Variants in RFX7 observed in about 807,000 individuals in gnomAD.
The protein encoded by RFX7 is regulatory factor X7.
Under a neutral mutation model 111.8 loss-of-function variants are expected in RFX7, and 26 were observed. The observed-to-expected ratio is 0.23, with a 90% CI of 0.17 to 0.32. The LOEUF is 0.32. Among genes scored for constraint, RFX7 ranks in the 10% least tolerant of loss-of-function variants. The pLI is 1.00. For synonymous variants in RFX7, 624 were observed against 624.4 expected, an observed-to-expected ratio of 1.00 and a Z score of 0.01; for missense variants, 1,573 against 1,772.9, an observed-to-expected ratio of 0.89 and a Z score of 2.02.
chr15:56,240,512 GAGTA>G (rs1214905948), intron 2 of RFX7, among the ~76,000 whole-genome samples: 2 of 151,988 alleles, frequency 1.3e-5, no homozygotes, highest in Non-Finnish European at 2.9e-5. Flanking sequence ...TTAATAAACA[GAGTA>G]AATTATGAAC....
At chr15:56,224,613 AG>A (rs2043462274) in intron 2 of RFX7, among the ~76,000 whole-genome samples, 1 of 152,110 alleles carries the variant, frequency 6.6e-6, no homozygotes, top group African/African-American at 2.4e-5. Flanking sequence ...ATGACTACAT[AG>A]CCATTCACAT....
At chr15:56,227,835 G>A (rs1320102443) in intron 2 of RFX7, among the ~76,000 whole-genome samples, 1 of 151,968 alleles carries the variant, frequency 6.6e-6, no homozygotes, top group Non-Finnish European at 1.5e-5. Flanking sequence ...CTGAATTGCT[G>A]ACCTTTATCA....
chr15:56,221,709 T>C (rs867959055), intron 2 of RFX7, among the ~76,000 whole-genome samples: 10 of 152,120 alleles, frequency 6.6e-5, no homozygotes, highest in South Asian at 4.1e-4. Context: ...ACTTTGACAA[T>C]TGCTCTAGGG....
chr15:56,217,618 T>G (rs2043376227), intron 2 of RFX7, among the ~76,000 whole-genome samples: 1 of 152,200 alleles, frequency 6.6e-6, no homozygotes, highest in Non-Finnish European at 1.5e-5. Context: ...TGGGCATCTT[T>G]TCCACTAAAT....
intron 2 of RFX7, among the ~76,000 whole-genome samples, chr15:56,212,756 A>G (rs1266197312): frequency 6.6e-6 from 1 of 152,240 alleles, no homozygotes; most frequent in African/African-American, 2.4e-5. Flanking sequence ...CAACAAAGAA[A>G]TATGTTAAAA....
chr15:56,200,429 G>T (rs1260835933), intron 2 of RFX7, among the ~76,000 whole-genome samples: 1 of 152,098 alleles, frequency 6.6e-6, no homozygotes, highest in African/African-American at 2.4e-5. Context: ...AACATCACTG[G>T]ATTGCACAGT....
At chr15:56,203,768 A>G (rs2043220384) in intron 2 of RFX7, among the ~76,000 whole-genome samples, 1 of 152,214 alleles carries the variant, frequency 6.6e-6, no homozygotes, top group Non-Finnish European at 1.5e-5. Flanking sequence ...AAGTTACCCT[A>G]TATGGTCTAA....
intron 5 of RFX7, among the ~76,000 whole-genome samples, chr15:56,138,626 A>G (rs2042342170): frequency 6.6e-6 from 1 of 151,916 alleles, no homozygotes; most frequent in African/African-American, 2.4e-5. Flanking sequence ...TTTAAAGTTA[A>G]TATTGTTATG....
At chr15:56,226,979 T>C (rs965735096) in intron 2 of RFX7, among the ~76,000 whole-genome samples, 7 of 152,168 alleles carry the variant, frequency 4.6e-5, no homozygotes, top group African/African-American at 1.7e-4. Flanking sequence ...AAAAACTCTT[T>C]GGTATGTAAA....
At chr15:56,127,534 T>C (rs185332954) in intron 5 of RFX7, among the ~76,000 whole-genome samples, 146 of 141,166 alleles carry the variant, frequency 1.0e-3, no homozygotes, top group Non-Finnish European at 1.7e-3. Context: ...AACCCCAAAA[T>C]TGTTTTTTTG....
chr15:56,214,216 T>C (rs562763222), intron 2 of RFX7, among the ~76,000 whole-genome samples: 2 of 152,346 alleles, frequency 1.3e-5, no homozygotes, highest in African/African-American at 4.8e-5. Flanking sequence ...TAGGAGCACT[T>C]TGGCTATTCT....
chr15:56,229,507 C>T (rs113792469), intron 2 of RFX7, among the ~76,000 whole-genome samples: 10,961 of 152,136 alleles, frequency 0.072, 492 homozygotes, highest in Admixed American at 0.11. Context: ...CCTCGTGATC[C>T]GCCTGTCTTG....
chr15:56,098,159 A>T lies in RFX7; in HGVS notation c.1029T>A (p.Asn343Lys). ...GGATTGAAGGATTTCCATTAGGAAG[A>T]TTAGTCACTCCATTGCTTGTAGCAC... The part of the protein sequence containing the change: ...SESATSNGVT[N>K]LPNGNPSILS... The change falls in exon 9 of 10, where the codon AAT becomes AAA. Residue 343 changes from asparagine (N) to lysine (K), a missense_variant. This residue lies in a region of RFX7 where 288 missense variants were observed against 337.9 expected (regional missense o/e 0.85). Transcript: ENST00000559447. 6.2e-7 allele frequency: 1 copy of T among 1,613,966 alleles called. No homozygotes were observed. The highest frequency in any genetic ancestry group is 8.5e-7 in the Non-Finnish European group (1 of 1,179,840).
rs57073668 is a variant in RFX7 at position 56,237,649 on chromosome 15, C to A, written c.161+5476G>T. On this transcript the variant is annotated intron_variant, in intron 2 of 9. Coordinates refer to ENST00000559447, the MANE Select transcript of RFX7 (RefSeq NM_022841.7). ...TAAACCAAATCAGTCCTGCACATACCATCATTCAAGACACCTTTCAATGGA... is the reference window on the plus strand; with the variant it reads ...TAAACCAAATCAGTCCTGCACATACAATCATTCAAGACACCTTTCAATGGA... Among the ~76,000 whole-genome samples, 12 of 152,202 alleles carry A rather than the reference C, an allele frequency of 7.9e-5. 1 individual carries two copies. The East Asian group carries it at 2.3e-3, about 29-fold the overall frequency.
Position 56,186,345 on chromosome 15 carries a change from T to C in RFX7, c.162-7042A>G, listed in dbSNP as rs558696329. Reference sequence around the variant, plus strand: ...CAATCCCCAGCATTTAAGGTCTGTATGAGGACATGAAAACCACTATGGGTC... The same window carrying C: ...CAATCCCCAGCATTTAAGGTCTGTACGAGGACATGAAAACCACTATGGGTC... On this transcript the variant is annotated intron_variant, in intron 2 of 9. Transcript: ENST00000559447. 7.0e-4 allele frequency among the ~76,000 whole-genome samples: 107 copies of C among 152,334 alleles called. No homozygotes were observed. In the Middle Eastern group the frequency reaches 0.01, roughly 15 times the overall value.
chr15:56,173,249 G>A (rs1309891162), intron 3 of RFX7, among the ~76,000 whole-genome samples: 1 of 152,136 alleles, frequency 6.6e-6, no homozygotes, highest in African/African-American at 2.4e-5. Flanking sequence ...CCAAAAGGCT[G>A]GGCAAAGAGC....
intron 5 of RFX7, among the ~76,000 whole-genome samples, chr15:56,114,294 C>G (rs1384064686): frequency 6.6e-6 from 1 of 150,754 alleles, no homozygotes; most frequent in East Asian, 1.9e-4. Flanking sequence ...GCCTGTAATC[C>G]CAGTTACTTG....
Position 56,120,914 on chromosome 15 carries a change from CTTG to C in RFX7, c.402-17247_402-17245del, listed in dbSNP as rs149415430. 1.8e-3 allele frequency among the ~76,000 whole-genome samples: 279 copies of C among 152,234 alleles called. 5 individuals are homozygous for C. In the East Asian group the frequency reaches 0.042, roughly 23 times the overall value. ...CAAATATTGTCTCCCCATTTAAAAA[CTTG>C]TTGTTGTTTCTATTTATATTTTATT... On this transcript the variant is annotated intron_variant, in intron 5 of 9. Transcript: ENST00000559447.
intron 2 of RFX7, among the ~76,000 whole-genome samples, chr15:56,199,821 T>A (rs888585826): frequency 6.6e-6 from 1 of 152,118 alleles, no homozygotes; most frequent in Non-Finnish European, 1.5e-5. Context: ...AACATTTACA[T>A]AAAAAGCCAT....
Sources: allele counts gnomAD v4.1 joint callset (sites outside exome capture counted in the v4.1 genomes callset), GRCh38; gene constraint gnomAD v4.1.1; regional missense constraint gnomAD v4.1.1; transcripts MANE v1.5; gene names NCBI Gene and HGNC (gene_info 2026-07-23, HGNC 2026-07-21).